The following DUOX2 variants were observed in gnomAD, a reference collection of about 807,000 sequenced individuals.
DUOX2 encodes NADH/NADPH thyroid oxidase p138-tox.
A neutral mutation model predicts 183.3 loss-of-function variants in DUOX2; 185 were observed. The observed-to-expected ratio is 1.01, with a 90% CI of 0.90 to 1.14. The LOEUF is 1.14. Ranked by LOEUF, DUOX2 falls within the 50% of genes most tolerant of loss-of-function variation. The pLI, the probability that DUOX2 is intolerant of heterozygous loss-of-function variation, is 0.00. For synonymous variants in DUOX2, 788 were observed against 812.4 expected, an observed-to-expected ratio of 0.97 and a Z score of 0.51; for missense variants, 1,999 against 2,022.9, an observed-to-expected ratio of 0.99 and a Z score of 0.23.
chr15:45,095,926 T>C lies in DUOX2; in HGVS notation c.3982A>G (p.Thr1328Ala), dbSNP rs1893888542. ...FTLTSAPHEDTLSLHIRAVGP... is the reference protein window; with the variant it reads ...FTLTSAPHEDALSLHIRAVGP... ...ACTGCCCGGATGTGCAGGCTGAGTGTGTCCTCATGGGGCGCGGAGGTCAGT... is the reference window on the plus strand; with the variant it reads ...ACTGCCCGGATGTGCAGGCTGAGTGCGTCCTCATGGGGCGCGGAGGTCAGT... Residue 1328 changes from threonine to alanine, a missense_variant, in exon 30 of 34, where the codon ACA becomes GCA. Transcript: ENST00000389039. The C allele has an allele frequency of 3.1e-6, 5 of 1,613,584 alleles. No individual in the cohort carries two copies. The highest frequency in any genetic ancestry group is 2.5e-6 in the Non-Finnish European group (3 of 1,179,904).
chr15:45,104,085 C>T, intron 19 of DUOX2, 32 bp from the exon 20 acceptor site: 2 of 1,614,084 alleles, frequency 1.2e-6, no homozygotes, highest in Non-Finnish European at 1.7e-6. Flanking sequence ...CAGGTCATCT[C>T]CTTGCTGAAA....
chr15:45,099,258 C>A (rs551041729), intron 26 of DUOX2, 125 bp downstream of exon 26: 235 of 763,374 alleles, frequency 3.1e-4, no homozygotes, highest in Non-Finnish European at 4.2e-4. Context: ...GATCCGCCCA[C>A]CTCGGCCTCC....
intron 13 of DUOX2, 141 bp downstream of exon 13, chr15:45,107,906 A>G (rs1894266318): frequency 1.3e-6 from 1 of 743,036 alleles, no homozygotes; most frequent in Non-Finnish European, 2.3e-6. Flanking sequence ...GAGAAGAAAA[A>G]AAGAGAGACC....
chr15:45,112,037 A>G (rs1338032427), intron 4 of DUOX2, 82 bp from the exon 5 acceptor site: 1 of 1,534,736 alleles, frequency 6.5e-7, no homozygotes, highest in African/African-American at 1.4e-5. Flanking sequence ...AAGTGTCCTC[A>G]GGAGCCAAAA....
At position 45,114,104 on chromosome 15, in the gene DUOX2, A is replaced by C; in HGVS notation, c.-146T>G. On this transcript the variant is annotated 5_prime_UTR_variant, in exon 1 of 34. Transcript: ENST00000389039. ...CCTCAGCCTCCCCGGCTGCACTCTC[A>C]CCTTTCTCTCTGGGTCCTTGGTCTC... 1 of 208,772 alleles carries C rather than the reference A, an allele frequency of 4.8e-6. No individual in the cohort carries two copies. Among genetic ancestry groups the C allele is most frequent in the Non-Finnish European group, 9.8e-6 (1 of 102,300 alleles). The allele number at this position is 208,772 out of a possible 1,614,324, so 12.9% of individuals were successfully genotyped here. A position where few individuals can be genotyped will look rare whatever the true frequency, so the allele number is the denominator to read the frequency against.
intron 17 of DUOX2, 73 bp downstream of exon 17, chr15:45,106,052 A>G: frequency 1.3e-6 from 2 of 1,555,152 alleles, no homozygotes; most frequent in Non-Finnish European, 1.8e-6. Flanking sequence ...GTAGCTGAGG[A>G]TAGGGTGGCC....
rs374243549 is a variant in DUOX2 at position 45,111,589 on chromosome 15, C to A, written c.514-4G>T. ...GCCAGCCCGTCACCTGGTTGGCCTG[C>A]GGGGCACGCGGCGGGTGAGCCCGGG... On this transcript the variant is annotated splice_region_variant and splice_polypyrimidine_tract_variant and intron_variant, in intron 5 of 33. Transcript: ENST00000389039. The A allele has an allele frequency of 2.2e-5, 34 of 1,531,722 alleles. No homozygotes were observed. Among genetic ancestry groups the A allele is most frequent in the Admixed American group, 1.4e-4 (7 of 50,024 alleles). 94.9% of individuals were successfully genotyped at this position (1,531,722 alleles called of 1,614,324 possible). A position where few individuals can be genotyped will look rare whatever the true frequency, so the allele number is the denominator to read the frequency against.
intron 22 of DUOX2, 97 bp downstream of exon 22, chr15:45,101,108 C>T (rs1212660770): frequency 1.7e-6 from 2 of 1,158,018 alleles, no homozygotes; most frequent in East Asian, 5.0e-5. Context: ...GGGCAAATGC[C>T]TGATTTTACC....
chr15:45,095,835 T>C lies in DUOX2; in HGVS notation c.4073A>G (p.Tyr1358Cys). The C allele has an allele frequency of 6.2e-7, 1 of 1,613,854 alleles. No individual in the cohort carries two copies. The highest frequency in any genetic ancestry group is 8.5e-7 in the Non-Finnish European group (1 of 1,179,870). ...GTTCCCAGTGACGGGCACCTTTGGG[T>C]ATCCAGCACAGCCATTGCCCTTTGG... The part of the protein sequence containing the change: ...SSPKGNGCAG[Y>C]PKLYLDGPFG... Residue 1358 changes from tyrosine to cysteine, a missense_variant, in exon 30 of 34, where the codon TAC becomes TGC. Physicochemically the swap from Tyr to Cys is radical, Grantham distance 194 (BLOSUM62 -2). Coordinates refer to ENST00000389039, the MANE Select transcript of DUOX2 (RefSeq NM_001363711.2).
At position 45,106,628 on chromosome 15, in the gene DUOX2, G is replaced by A. The variant is rs761516157; in HGVS notation, c.1845C>T (p.Leu615=). Reference sequence around the variant, plus strand: ...CCCGGAAATAGGCCACCACTCCAGAGAGAAGCAGACTCACTGAAGTGGATC... The same window carrying A: ...CCCGGAAATAGGCCACCACTCCAGAAAGAAGCAGACTCACTGAAGTGGATC... ...LCCLPLVSLL[L]SGVVAYFRGR... Residue 615 remains leucine, a synonymous_variant, in exon 16 of 34, where the codon CTC becomes CTT. Transcript: ENST00000389039. 25 of 1,614,214 alleles carry A rather than the reference G, an allele frequency of 1.5e-5. No individual in the cohort carries two copies. The highest frequency in any genetic ancestry group is 7.6e-6 in the Non-Finnish European group (9 of 1,180,040).
chr15:45,099,336 T>G (rs1156688228), intron 26 of DUOX2, 47 bp downstream of exon 26: 1 of 1,563,192 alleles, frequency 6.4e-7, no homozygotes, highest in African/African-American at 1.4e-5. Flanking sequence ...TATTATACCC[T>G]TGGGCCCACC....
In DUOX2 at chr15:45,094,554, G is replaced by A. The variant is rs755230491; in HGVS notation, c.4524+9C>T. The stretch of plus-strand genomic sequence containing the variant: ...CCAGAGTCCCAGGGTGGGAGGGAGT[G>A]GGACTGACCTGTGGGTGGACCTCCT... On this transcript the variant is annotated intron_variant, in intron 33 of 33. Coordinates refer to ENST00000389039, the MANE Select transcript of DUOX2 (RefSeq NM_001363711.2). The A allele has an allele frequency of 6.2e-7, 1 of 1,611,722 alleles. No homozygotes were observed.
chr15:45,097,944 T>C (rs1400640328), intron 27 of DUOX2, 65 bp downstream of exon 27: 1 of 1,568,248 alleles, frequency 6.4e-7, no homozygotes, highest in Non-Finnish European at 8.8e-7. Context: ...AAGTGAGTAT[T>C]CACAGAGAGA....
chr15:45,095,752 A>G, intron 30 of DUOX2, 76 bp downstream of exon 30: 1 of 1,546,892 alleles, frequency 6.5e-7, no homozygotes. Context: ...TGGAGCTTCT[A>G]GTCTCAGGAT....
intron 23 of DUOX2, 128 bp downstream of exon 23, chr15:45,100,627 C>T (rs548830046): frequency 1.2e-6 from 1 of 856,868 alleles, no homozygotes; most frequent in Non-Finnish European, 2.0e-6. Context: ...ACCTCTCAGT[C>T]AGGTCAGGAA....
chr15:45,102,302 C>T (rs767664426), intron 20 of DUOX2, among the ~76,000 whole-genome samples: 55 of 152,212 alleles, frequency 3.6e-4, no homozygotes, highest in Admixed American at 7.2e-4. Context: ...TCTCTCGTGG[C>T]AGGCTCTCTG....
rs1566979188 is a variant in DUOX2 at position 45,112,890 on chromosome 15, T to C, written c.160+97A>G. The C allele has an allele frequency of 1.9e-6, 3 of 1,549,810 alleles. No homozygotes were observed. The East Asian group carries it at 6.8e-5, about 35-fold the overall frequency. On this transcript the variant is annotated intron_variant, in intron 3 of 33. Coordinates refer to ENST00000389039, the MANE Select transcript of DUOX2 (RefSeq NM_001363711.2). ...TGCGCTGTGTAGGCAGCGGAGCTGCTGGGCGCGTGTTCCCCGCAGATTCCC... is the reference window on the plus strand; with the variant it reads ...TGCGCTGTGTAGGCAGCGGAGCTGCCGGGCGCGTGTTCCCCGCAGATTCCC...
chr15:45,093,655 C>A lies in DUOX2; in HGVS notation c.*495G>T. 1 of 179,404 alleles carries A rather than the reference C, an allele frequency of 5.6e-6. No individual in the cohort carries two copies. Among genetic ancestry groups the A allele is most frequent in the East Asian group, 1.4e-4 (1 of 7,062 alleles). 11.1% of individuals were successfully genotyped at this position (179,404 alleles called of 1,614,324 possible). ...GCCTCCTCCTCCCTCAAATGTCAGTCCAAGCAAATACCAAAGCAACGCATC... is the reference window on the plus strand; with the variant it reads ...GCCTCCTCCTCCCTCAAATGTCAGTACAAGCAAATACCAAAGCAACGCATC... On this transcript the variant is annotated 3_prime_UTR_variant, in exon 34 of 34. Transcript: ENST00000389039.
intron 2 of DUOX2, 72 bp from the exon 3 acceptor site, chr15:45,113,148 C>A: frequency 6.5e-7 from 1 of 1,530,440 alleles, no homozygotes; most frequent in Non-Finnish European, 8.9e-7. Context: ...AAGGCCTTGG[C>A]CAGTCCTTCC....
Sources: gnomAD v4.1 joint callset for allele counts (sites outside exome capture counted in the v4.1 genomes callset) on GRCh38, gnomAD v4.1.1 for gene constraint, MANE v1.5 for transcripts, NCBI Gene and HGNC (gene_info 2026-07-23, HGNC 2026-07-21) for gene names.